Variants in DERA observed in about 807,000 individuals in gnomAD.
The protein encoded by DERA is deoxyribose-phosphate aldolase, also known as 2-deoxy-D-ribose 5-phosphate aldolase.
In DERA, 15 loss-of-function variants were observed where a neutral mutation model predicts 41.1. That is an observed-to-expected ratio of 0.37 (90% confidence interval 0.24 to 0.56). The LOEUF (loss-of-function observed/expected upper bound fraction) is 0.56, where lower values mean the gene tolerates loss of function less well. Among genes scored for constraint, DERA ranks in the 20% least tolerant of loss-of-function variants. The probability of loss-of-function intolerance (pLI) is 0.81; values close to 1 mark genes in which losing one functional copy is unlikely to be tolerated. For missense variants in DERA, 396 were observed against 403.4 expected, an observed-to-expected ratio of 0.98 and a Z score of 0.16; for synonymous variants, 139 against 137.4, an observed-to-expected ratio of 1.01 and a Z score of -0.08.
rs1948757653 is a variant in DERA, at chr12:15,985,400, G to A, written c.637+2964G>A. 6.6e-6 allele frequency: 1 copy of A among 152,164 alleles called. No homozygotes were observed. Among genetic ancestry groups the A allele is most frequent in the Non-Finnish European group, 1.5e-5 (1 of 68,024 alleles). 9.4% of individuals were successfully genotyped at this position (152,164 alleles called of 1,614,324 possible). On this transcript the variant is annotated intron_variant, in intron 6 of 8. Coordinates refer to ENST00000428559, the MANE Select transcript of DERA (RefSeq NM_015954.4). This position sits in a 1 kb window ranked among gnomAD's most constrained non-coding sequence, Gnocchi z 4.2. ...TGTTTATAATATGTTCTTCCATTCT[G>A]ATATCTGTGGGATCTGTAGTTATAT...
rs1949054772 is a variant in DERA at position 16,026,581 on chromosome 12, T to C, written c.638-5961T>C. Among the ~76,000 whole-genome samples the C allele has an allele frequency of 6.7e-6, 1 of 150,218 alleles. No homozygotes were observed. The highest frequency in any genetic ancestry group is 6.6e-5 in the Admixed American group (1 of 15,100). On this transcript the variant is annotated intron_variant, in intron 6 of 8. Transcript: ENST00000428559. This position sits in a 1 kb window ranked among gnomAD's most constrained non-coding sequence, Gnocchi z 4.4. ...TTTAATGTGACTTTTACATAAATTGTAAATATATTTACACATTTATGTAAA... is the reference window on the plus strand; with the variant it reads ...TTTAATGTGACTTTTACATAAATTGCAAATATATTTACACATTTATGTAAA...
intron 6 of DERA, among the ~76,000 whole-genome samples, chr12:16,007,121 T>A (rs2136176792): frequency 6.6e-6 from 1 of 152,244 alleles, no homozygotes; most frequent in South Asian, 2.1e-4. Flanking sequence ...AGAGTCATTG[T>A]AAAACTTAGT....
chr12:15,986,635 T>G (rs1365324475), intron 6 of DERA, among the ~76,000 whole-genome samples: 3 of 152,200 alleles, frequency 2.0e-5, no homozygotes, highest in Non-Finnish European at 1.5e-5. Context: ...TTGAGTTATT[T>G]TAATGTTCTT....
intron 1 of DERA, among the ~76,000 whole-genome samples, chr12:15,919,097 C>A (rs544347295): frequency 6.6e-6 from 1 of 151,994 alleles, no homozygotes; most frequent in Non-Finnish European, 1.5e-5. Flanking sequence ...TTGATTTTAC[C>A]TTAGAAGTCT....
chr12:16,016,117 G>T (rs889324309), intron 6 of DERA, among the ~76,000 whole-genome samples: 1 of 152,126 alleles, frequency 6.6e-6, no homozygotes, highest in Non-Finnish European at 1.5e-5. Context: ...ATCATAGTCT[G>T]CAGATTTAGT....
chr12:15,945,984 A>G (rs918544613), intron 1 of DERA, among the ~76,000 whole-genome samples: 2 of 152,166 alleles, frequency 1.3e-5, no homozygotes, highest in Non-Finnish European at 2.9e-5. Context: ...ATCTATTGAG[A>G]TAATGTGGTT....
Position 15,911,702 on chromosome 12 carries a change from G to A in DERA, c.31+288G>A, listed in dbSNP as rs1366596045. ...TTCGTTCACTCTAGCTCGCTGGTTG[G>A]AAAACCCAACAACCCAAAAAACAAA... On this transcript the variant is annotated intron_variant, in intron 1 of 8. Transcript: ENST00000428559. The surrounding 1 kb of genome is among the most constrained non-coding windows in gnomAD (Gnocchi z 4.5). The A allele has an allele frequency of 1.5e-6, 1 of 662,640 alleles. No homozygotes were observed. Among genetic ancestry groups the A allele is most frequent in the Non-Finnish European group, 2.8e-6 (1 of 360,070 alleles). The allele number at this position is 662,640 out of a possible 1,614,324, so 41.0% of individuals were successfully genotyped here.
intron 1 of DERA, among the ~76,000 whole-genome samples, chr12:15,953,635 A>G (rs1948515542): frequency 6.6e-6 from 1 of 152,200 alleles, no homozygotes. Flanking sequence ...CCCCAAAGGC[A>G]TGTGTACTTA....
rs1948386917 is a variant in DERA, at chr12:15,938,403, C to G, written c.32-18533C>G. Among the ~76,000 whole-genome samples the G allele has an allele frequency of 6.6e-6, 1 of 152,078 alleles. No individual in the cohort carries two copies. Among genetic ancestry groups the G allele is most frequent in the Non-Finnish European group, 1.5e-5 (1 of 68,002 alleles). On this transcript the variant is annotated intron_variant, in intron 1 of 8. Transcript: ENST00000428559. The surrounding 1 kb of genome is among the most constrained non-coding windows in gnomAD (Gnocchi z 4.1). ...AAATTCATTCTAACACTAAAATATACTCATGTACATCAAAGCCAAAAAATG... is the reference window on the plus strand; with the variant it reads ...AAATTCATTCTAACACTAAAATATAGTCATGTACATCAAAGCCAAAAAATG...
intron 6 of DERA, among the ~76,000 whole-genome samples, chr12:16,006,760 A>G (rs1565612203): frequency 6.6e-6 from 1 of 152,262 alleles, no homozygotes; most frequent in Admixed American, 6.5e-5. Context: ...AGCCTAGAAC[A>G]TGGTAGTCAT....
Position 15,918,776 on chromosome 12 carries a change from G to A in DERA, c.31+7362G>A, listed in dbSNP as rs1333596079. Among the ~76,000 whole-genome samples the A allele has an allele frequency of 6.6e-6, 1 of 152,132 alleles. No individual in the cohort carries two copies. The highest frequency in any genetic ancestry group is 2.4e-5 in the African/African-American group (1 of 41,424). On this transcript the variant is annotated intron_variant, in intron 1 of 8. Coordinates refer to ENST00000428559, the MANE Select transcript of DERA (RefSeq NM_015954.4). This position sits in a 1 kb window ranked among gnomAD's most constrained non-coding sequence, Gnocchi z 4.3. ...TGTTAAAACTGACAACAGGAACGTG[G>A]TGGGATTGGAAGGATAAAGACGAAT...
In DERA at chr12:16,003,568, G is replaced by A. The variant is rs1261874915; in HGVS notation, c.637+21132G>A. On this transcript the variant is annotated intron_variant, in intron 6 of 8. Coordinates refer to ENST00000428559, the MANE Select transcript of DERA (RefSeq NM_015954.4). The surrounding 1 kb of genome is among the most constrained non-coding windows in gnomAD (Gnocchi z 4.8). The stretch of plus-strand genomic sequence containing the variant: ...AGGGGTTAGGGTTTGGGTTAGAGAA[G>A]CCTACTACTGTAGGCTAGATGCCAA... Among the ~76,000 whole-genome samples, 1 of 152,188 alleles carries A rather than the reference G, an allele frequency of 6.6e-6. No homozygotes were observed. The highest frequency in any genetic ancestry group is 1.5e-5 in the Non-Finnish European group (1 of 68,038).
chr12:15,944,512 C>T (rs2136138247), intron 1 of DERA, among the ~76,000 whole-genome samples: 1 of 152,252 alleles, frequency 6.6e-6, no homozygotes, highest in Admixed American at 6.5e-5. Context: ...TGTTTTTTGG[C>T]TGCATAAATG....
intron 1 of DERA, among the ~76,000 whole-genome samples, chr12:15,939,360 C>G (rs1948393488): frequency 6.6e-6 from 1 of 152,156 alleles, no homozygotes; most frequent in African/African-American, 2.4e-5. Context: ...AATAGAATGA[C>G]TGCTGTTTTT....
chr12:15,972,836 A>C lies in DERA; in HGVS notation c.509-9472A>C, dbSNP rs539723076. On this transcript the variant is annotated intron_variant, in intron 5 of 8. Coordinates refer to ENST00000428559, the MANE Select transcript of DERA (RefSeq NM_015954.4). This position sits in a 1 kb window ranked among gnomAD's most constrained non-coding sequence, Gnocchi z 4.4. ...CGATCTAGTGCTGGACTTGGAAGTT[A>C]ATCTTAAATAAAGAAAACTAAAATG... Among the ~76,000 whole-genome samples, 46 of 152,172 alleles carry C rather than the reference A, an allele frequency of 3.0e-4. No homozygotes were observed. The highest frequency in any genetic ancestry group is 1.1e-3 in the African/African-American group (45 of 41,450).
At chr12:16,023,327 T>C (rs2136185753) in intron 6 of DERA, among the ~76,000 whole-genome samples, 1 of 152,242 alleles carries the variant, frequency 6.6e-6, no homozygotes, top group Middle Eastern at 3.4e-3. Context: ...ACAGCAAACC[T>C]TAAACACAGC....
intron 1 of DERA, among the ~76,000 whole-genome samples, chr12:15,930,648 C>T (rs755522863): frequency 1.1e-4 from 17 of 151,986 alleles, no homozygotes; most frequent in Non-Finnish European, 2.1e-4. Context: ...GTTTTAATAG[C>T]AAAATTACTG....
intron 1 of DERA, among the ~76,000 whole-genome samples, chr12:15,942,272 C>T (rs902693450): frequency 2.6e-5 from 4 of 152,080 alleles, no homozygotes; most frequent in South Asian, 2.1e-4. Flanking sequence ...ATTCTTTTGT[C>T]GGATGCATAG....
chr12:15,946,675 A>G (rs1225969729), intron 1 of DERA, among the ~76,000 whole-genome samples: 1 of 151,990 alleles, frequency 6.6e-6, no homozygotes, highest in Admixed American at 6.6e-5. Flanking sequence ...TCAAAAAACC[A>G]GCTCCTGGAT....
Sources: allele counts gnomAD v4.1 joint callset (sites outside exome capture counted in the v4.1 genomes callset), GRCh38; gene constraint gnomAD v4.1.1; non-coding constraint Gnocchi (gnomAD v3.1); transcripts MANE v1.5; gene names NCBI Gene and HGNC (gene_info 2026-07-23, HGNC 2026-07-21).